NPAS3: variants seen among roughly 807,000 people sequenced by gnomAD.
The protein encoded by NPAS3 is neuronal PAS domain-containing protein 3.
NPAS3 carries 14 observed loss-of-function variants against 73.1 expected under a neutral mutation model. The observed-to-expected ratio is 0.19, with a 90% confidence interval of 0.13 to 0.30. The LOEUF is 0.30. Among genes scored for constraint, NPAS3 ranks in the 10% least tolerant of loss-of-function variants. The pLI is 1.00. For synonymous variants in NPAS3, 620 were observed against 541.5 expected (o/e 1.14, Z -2.01); for missense variants, 1,096 against 1,250.0 (o/e 0.88, Z 1.86).
rs1259099708 is a variant in NPAS3, at chr14:33,210,346, G to A, written c.141-4836G>A. On this transcript the variant is annotated intron_variant, in intron 2 of 11. Coordinates refer to ENST00000356141, the Ensembl canonical transcript of NPAS3. ...GTTTCATAATATTTTCTTTTTGATA[G>A]CAGTAGCACCCCTTTTTTCAAACTT... Among the ~76,000 whole-genome samples the A allele has an allele frequency of 4.0e-5, 6 of 151,404 alleles. No homozygotes were observed. The East Asian group carries it at 1.2e-3, about 29-fold the overall frequency.
intron 6 of NPAS3, among the ~76,000 whole-genome samples, chr14:33,698,163 A>G (rs2060436787): frequency 6.6e-6 from 1 of 152,222 alleles, no homozygotes; most frequent in Admixed American, 6.5e-5. Context: ...ATGACAAATC[A>G]TCACTCAACC....
At chr14:33,802,380 AAAAAAAAAAAAG>A (rs1464947886), downstream of NPAS3, 5 of 149,606 alleles carry the variant, frequency 3.3e-5, no homozygotes, top group East Asian at 2.0e-4. Context: ...ATTAAGTAAA[AAAAAAAAAAAAG>A]AAAAAAAAAA....
chr14:33,635,617 A>ATCCT (rs2058492791), intron 5 of NPAS3, among the ~76,000 whole-genome samples: 1 of 152,254 alleles, frequency 6.6e-6, no homozygotes, highest in Admixed American at 6.5e-5. Context: ...AATCAATCAT[A>ATCCT]TCCTTCCTCT....
chr14:33,610,668 T>A (rs1269253907), intron 5 of NPAS3, among the ~76,000 whole-genome samples: 2 of 152,204 alleles, frequency 1.3e-5, no homozygotes, highest in African/African-American at 4.8e-5. Context: ...TCAAAGAAAT[T>A]TTATTTCCTA....
intron 4 of NPAS3, among the ~76,000 whole-genome samples, chr14:33,455,277 G>A (rs2049974329): frequency 6.6e-6 from 1 of 152,144 alleles, no homozygotes; most frequent in African/African-American, 2.4e-5. Context: ...AAATTTTGTT[G>A]TATTTCAGCT....
chr14:33,318,429 G>GT (rs1431557638), intron 3 of NPAS3, among the ~76,000 whole-genome samples: 1 of 152,056 alleles, frequency 6.6e-6, no homozygotes, highest in Non-Finnish European at 1.5e-5. Context: ...TCACAATGAT[G>GT]TGAGTTTACT....
chr14:33,354,566 C>A (rs889518000), intron 3 of NPAS3, among the ~76,000 whole-genome samples: 1 of 152,314 alleles, frequency 6.6e-6, no homozygotes, highest in South Asian at 2.1e-4. Flanking sequence ...TGACTTGCAG[C>A]CAAATCCTCA....
At chr14:33,268,489 T>A (rs1050722297) in intron 3 of NPAS3, among the ~76,000 whole-genome samples, 4 of 152,162 alleles carry the variant, frequency 2.6e-5, no homozygotes, top group Non-Finnish European at 5.9e-5. Flanking sequence ...ATTGGCCTTG[T>A]CTTTGATGTT....
At chr14:33,100,301 T>C (rs1183578239) in intron 2 of NPAS3, among the ~76,000 whole-genome samples, 3 of 152,194 alleles carry the variant, frequency 2.0e-5, no homozygotes, top group African/African-American at 7.2e-5. Context: ...AGTTCTTCTC[T>C]TGACCCATTA....
chr14:33,343,274 A>G (rs1271500087), intron 3 of NPAS3, among the ~76,000 whole-genome samples: 2 of 152,154 alleles, frequency 1.3e-5, no homozygotes, highest in East Asian at 3.9e-4. Context: ...TTTTGTGAGC[A>G]CTTTAACTCC....
chr14:33,185,827 G>C (rs1178056415), intron 2 of NPAS3, among the ~76,000 whole-genome samples: 1 of 152,160 alleles, frequency 6.6e-6, no homozygotes, highest in African/African-American at 2.4e-5. Context: ...TTAAGACTTT[G>C]AGAGCTAAAT....
At chr14:33,639,373 TA>T (rs909943195) in intron 5 of NPAS3, among the ~76,000 whole-genome samples, 36 of 151,388 alleles carry the variant, frequency 2.4e-4, no homozygotes, top group East Asian at 9.7e-4. Flanking sequence ...TGAAACAATC[TA>T]AAAAAAAATT....
At chr14:33,103,054 A>C (rs1485126501) in intron 2 of NPAS3, among the ~76,000 whole-genome samples, 1 of 152,166 alleles carries the variant, frequency 6.6e-6, no homozygotes, top group Admixed American at 6.6e-5. Flanking sequence ...TGGTAAGTTT[A>C]TAAGGAATTT....
At chr14:33,678,664 AATTTGGTCTTCTTGGAAG>A (rs2059840182) in intron 6 of NPAS3, among the ~76,000 whole-genome samples, 1 of 151,714 alleles carries the variant, frequency 6.6e-6, no homozygotes, top group African/African-American at 2.4e-5. Flanking sequence ...CCTGAGGTTA[AATTTGGTCTTCTTGGAAG>A]CTAGATCATC....
intron 5 of NPAS3, among the ~76,000 whole-genome samples, chr14:33,665,862 A>G (rs2059437444): frequency 6.6e-6 from 1 of 152,156 alleles, no homozygotes. Context: ...CTACTGGGAA[A>G]AAAAAAATCG....
chr14:33,273,405 T>A lies in NPAS3; in HGVS notation c.385+57979T>A, dbSNP rs373533708. On this transcript the variant is annotated intron_variant, in intron 3 of 11. Transcript: ENST00000356141. ...AAGTGGAATAAAATCTAGGTTTGAATCCTGACTCTGCTCTTTATAGGCTCT... is the reference window on the plus strand; with the variant it reads ...AAGTGGAATAAAATCTAGGTTTGAAACCTGACTCTGCTCTTTATAGGCTCT... Among the ~76,000 whole-genome samples the A allele has an allele frequency of 2.4e-4, 37 of 152,198 alleles. 1 individual carries two copies. In the East Asian group the frequency reaches 2.9e-3, roughly 12 times the overall value.
chr14:33,103,383 A>C (rs923061360), intron 2 of NPAS3, among the ~76,000 whole-genome samples: 9 of 152,058 alleles, frequency 5.9e-5, no homozygotes, highest in African/African-American at 2.2e-4. Context: ...CTTACTATCA[A>C]CCTTCATGTG....
intron 4 of NPAS3, among the ~76,000 whole-genome samples, chr14:33,488,983 C>T (rs1464592741): frequency 6.6e-6 from 1 of 152,128 alleles, no homozygotes; most frequent in Non-Finnish European, 1.5e-5. Context: ...AAATTGTACC[C>T]ATTCTCCCTG....
intron 3 of NPAS3, among the ~76,000 whole-genome samples, chr14:33,300,358 C>A (rs1197962054): frequency 1.3e-5 from 2 of 152,170 alleles, no homozygotes; most frequent in African/African-American, 4.8e-5. Flanking sequence ...TCAACAACGA[C>A]CAAATAATAT....
Sources: allele counts gnomAD v4.1 joint callset (sites outside exome capture counted in the v4.1 genomes callset), GRCh38; gene constraint gnomAD v4.1.1; transcripts MANE v1.5; gene names NCBI Gene and HGNC (gene_info 2026-07-23, HGNC 2026-07-21).